Variants in SPIRE1 observed in about 807,000 individuals in gnomAD.
SPIRE1 encodes protein spire homolog 1.
Under a neutral mutation model 94.1 loss-of-function variants are expected in SPIRE1, and 40 were observed. The observed-to-expected ratio is 0.43, with a 90% CI of 0.33 to 0.55. The LOEUF (loss-of-function observed/expected upper bound fraction) is 0.55, where lower values mean the gene tolerates loss of function less well. Ranked by LOEUF, SPIRE1 falls within the 20% of genes least tolerant of loss-of-function variation. SPIRE1 has a pLI of 0.06. For synonymous variants in SPIRE1, 376 were observed against 371.7 expected (o/e 1.01, Z -0.13); for missense variants, 838 against 975.2 (o/e 0.86, Z 1.87).
chr18:12,461,441 T>C (rs544981126), intron 12 of SPIRE1, among the ~76,000 whole-genome samples: 4 of 131,762 alleles, frequency 3.0e-5, no homozygotes, highest in African/African-American at 1.3e-4. Context: ...TGTATGTATA[T>C]ACATACATGT....
intron 3 of SPIRE1, among the ~76,000 whole-genome samples, chr18:12,538,855 C>T (rs531634949): frequency 6.6e-6 from 1 of 152,204 alleles, no homozygotes; most frequent in African/African-American, 2.4e-5. Flanking sequence ...CCACTCATAT[C>T]CAATCCATCA....
intron 2 of SPIRE1, among the ~76,000 whole-genome samples, chr18:12,566,206 C>T (rs1328877898): frequency 1.3e-5 from 2 of 151,784 alleles, no homozygotes; most frequent in East Asian, 3.9e-4. Flanking sequence ...CATGGTGGTG[C>T]ATGCCTGTAA....
intron 5 of SPIRE1, among the ~76,000 whole-genome samples, chr18:12,510,224 T>C (rs917541097): frequency 1.3e-5 from 2 of 151,340 alleles, no homozygotes; most frequent in African/African-American, 4.9e-5. Context: ...AGGCAGGAGG[T>C]AGGATCATAA....
chr18:12,618,205 C>T (rs1357145748), intron 2 of SPIRE1, among the ~76,000 whole-genome samples: 4 of 151,808 alleles, frequency 2.6e-5, no homozygotes, highest in Admixed American at 2.6e-4. Flanking sequence ...AGGTTCACGC[C>T]ATTCTCCTGC....
At chr18:12,548,450 TC>T (rs2035235967) in intron 2 of SPIRE1, among the ~76,000 whole-genome samples, 1 of 152,188 alleles carries the variant, frequency 6.6e-6, no homozygotes. Context: ...AATAATATTT[TC>T]TCAACACTAG....
rs1356408548 is a variant in SPIRE1, at chr18:12,559,776, T to C, written c.373-12872A>G. Among the ~76,000 whole-genome samples the C allele has an allele frequency of 6.6e-6, 1 of 152,184 alleles. No homozygotes were observed. Among genetic ancestry groups the C allele is most frequent in the Non-Finnish European group, 1.5e-5 (1 of 68,036 alleles). On this transcript the variant is annotated intron_variant, in intron 2 of 16. Transcript: ENST00000409402. This position sits in a 1 kb window ranked among gnomAD's most constrained non-coding sequence, Gnocchi z 4.7. ...GGATCACATGAAGTTAAATAGCTTT[T>C]GCCAGTGAAGAAAACAACAAAATGA...
intron 4 of SPIRE1, among the ~76,000 whole-genome samples, chr18:12,527,369 A>C (rs1330270118): frequency 1.3e-5 from 2 of 152,160 alleles, no homozygotes; most frequent in South Asian, 4.1e-4. Flanking sequence ...AGTGAAGGGT[A>C]ATACTACCAA....
At chr18:12,596,141 T>C (rs952214603) in intron 2 of SPIRE1, among the ~76,000 whole-genome samples, 1 of 152,204 alleles carries the variant, frequency 6.6e-6, no homozygotes. Context: ...TGACTGTGTA[T>C]GAATGGAGTT....
intron 4 of SPIRE1, among the ~76,000 whole-genome samples, chr18:12,527,750 A>G (rs184622207): frequency 6.6e-6 from 1 of 151,872 alleles, no homozygotes; most frequent in African/African-American, 2.4e-5. Flanking sequence ...GGTTGATTCT[A>G]TTCTCCTCTG....
At chr18:12,643,245 T>G (rs2038134184) in intron 1 of SPIRE1, among the ~76,000 whole-genome samples, 1 of 152,200 alleles carries the variant, frequency 6.6e-6, no homozygotes, top group South Asian at 2.1e-4. Flanking sequence ...TGGGTTGATT[T>G]GGATTAAACT....
intron 2 of SPIRE1, among the ~76,000 whole-genome samples, chr18:12,551,364 T>G (rs908851213): frequency 1.3e-5 from 2 of 152,144 alleles, no homozygotes; most frequent in African/African-American, 4.8e-5. Flanking sequence ...AATAAAATAT[T>G]TAGTAGAAAT....
Position 12,628,772 on chromosome 18 carries a change from TG to T in SPIRE1, c.372+6289del, listed in dbSNP as rs566931408. On this transcript the variant is annotated intron_variant, in intron 2 of 16. Coordinates refer to ENST00000409402, the MANE Select transcript of SPIRE1 (RefSeq NM_001128626.2). ...CCTTGAAGAGGTCCCTCATATCCCT[TG>T]TAAGTTGGATTCCTAGGTATTTTAT... is the stretch of plus-strand genomic sequence containing the variant. 3.9e-5 allele frequency among the ~76,000 whole-genome samples: 6 copies of T among 152,324 alleles called. No homozygotes were observed. In the South Asian group the frequency reaches 1.2e-3, roughly 32 times the overall value.
chr18:12,603,535 G>A (rs968435893), intron 2 of SPIRE1, among the ~76,000 whole-genome samples: 5 of 151,954 alleles, frequency 3.3e-5, no homozygotes, highest in Non-Finnish European at 2.9e-5. Context: ...CTCCAAAGAG[G>A]GGAGAGAGGC....
intron 1 of SPIRE1, chr18:12,656,703 C>A: frequency 1.3e-5 from 13 of 976,480 alleles, no homozygotes; most frequent in Non-Finnish European, 1.6e-5. Flanking sequence ...TTTTCTCAAC[C>A]TCCTCCTCCT....
chr18:12,507,367 G>C (rs548343697), intron 5 of SPIRE1, among the ~76,000 whole-genome samples: 1 of 152,272 alleles, frequency 6.6e-6, no homozygotes, highest in East Asian at 1.9e-4. Flanking sequence ...CACTTGTTGA[G>C]AAGATCAGAA....
intron 4 of SPIRE1, chr18:12,516,308 G>GC (rs1567904141): frequency 1.3e-5 from 2 of 152,154 alleles, no homozygotes; most frequent in Admixed American, 6.6e-5. Context: ...CTATCTCCTG[G>GC]CCACTGTGAC....
At chr18:12,505,232 G>A (rs1487559219) in intron 6 of SPIRE1, among the ~76,000 whole-genome samples, 1 of 152,220 alleles carries the variant, frequency 6.6e-6, no homozygotes, top group Non-Finnish European at 1.5e-5. Context: ...TCTGATGAGA[G>A]ATGATGGTGG....
chr18:12,508,675 G>GT (rs1214659836), intron 5 of SPIRE1, among the ~76,000 whole-genome samples: 1,904 of 139,684 alleles, frequency 0.014, 15 homozygotes, highest in African/African-American at 0.024. Flanking sequence ...AACACACTTG[G>GT]TTTTTTTTTT....
chr18:12,475,341 C>T (rs1476853081), intron 10 of SPIRE1, among the ~76,000 whole-genome samples: 3 of 152,126 alleles, frequency 2.0e-5, no homozygotes, highest in African/African-American at 4.8e-5. Context: ...TTCTACATAC[C>T]CTAAGACACT....
Sources: gnomAD v4.1 joint callset for allele counts (sites outside exome capture counted in the v4.1 genomes callset) on GRCh38, gnomAD v4.1.1 for gene constraint, Gnocchi (gnomAD v3.1) non-coding constraint, MANE v1.5 for transcripts, NCBI Gene and HGNC (gene_info 2026-07-23, HGNC 2026-07-21) for gene names.